The following MDGA2 variants were observed in gnomAD, a reference collection of about 807,000 sequenced individuals.
MDGA2 encodes MAM domain-containing glycosylphosphatidylinositol anchor protein 2.
MDGA2 carries 40 observed loss-of-function variants against 117.8 expected under a neutral mutation model. The observed-to-expected ratio is 0.34, with a 90% CI of 0.26 to 0.44. The LOEUF is 0.44. MDGA2 is among the 20% of genes least tolerant of loss of function. The pLI is 1.00. For missense variants in MDGA2, 1,123 were observed against 1,250.6 expected (o/e 0.90, Z 1.54); for synonymous variants, 452 against 439.0 (o/e 1.03, Z -0.37).
chr14:46,906,749 A>G (rs1033483340), intron 10 of MDGA2, among the ~76,000 whole-genome samples: 8 of 152,036 alleles, frequency 5.3e-5, no homozygotes, highest in Admixed American at 1.3e-4. Flanking sequence ...CACAGTCTAG[A>G]CTAGTATTTA....
intron 6 of MDGA2, among the ~76,000 whole-genome samples, chr14:47,074,319 A>C (rs1330943820): frequency 1.4e-5 from 2 of 140,502 alleles, no homozygotes; most frequent in Admixed American, 1.5e-4. Flanking sequence ...TTTTTTTTTG[A>C]ACGTGGAGTC....
At chr14:47,452,361 T>C (rs1448723833) in intron 1 of MDGA2, among the ~76,000 whole-genome samples, 1 of 152,116 alleles carries the variant, frequency 6.6e-6, no homozygotes, top group Non-Finnish European at 1.5e-5. Context: ...AAGGTAACAA[T>C]GAATGAAATC....
intron 1 of MDGA2, among the ~76,000 whole-genome samples, chr14:47,652,656 G>A (rs1378661132): frequency 6.6e-6 from 1 of 152,088 alleles, no homozygotes; most frequent in African/African-American, 2.4e-5. Flanking sequence ...AACAAGTACT[G>A]TAAAACATCA....
intron 1 of MDGA2, among the ~76,000 whole-genome samples, chr14:47,480,988 A>C (rs1255326103): frequency 6.6e-6 from 1 of 151,972 alleles, no homozygotes; most frequent in African/African-American, 2.4e-5. Context: ...ATGGATAAAG[A>C]AGGGGCAAAA....
At chr14:47,614,103 T>C (rs1275920293) in intron 1 of MDGA2, among the ~76,000 whole-genome samples, 1 of 146,988 alleles carries the variant, frequency 6.8e-6, no homozygotes, top group Non-Finnish European at 1.5e-5. Flanking sequence ...TTCTTTTTTT[T>C]TTTTTTTTTG....
At chr14:47,161,110 A>G (rs901431405) in intron 3 of MDGA2, among the ~76,000 whole-genome samples, 2 of 152,046 alleles carry the variant, frequency 1.3e-5, no homozygotes, top group South Asian at 2.1e-4. Flanking sequence ...ATTTTTAAAA[A>G]TTTCTAGCTG....
At chr14:47,494,671 T>G (rs1460787311) in intron 1 of MDGA2, among the ~76,000 whole-genome samples, 2 of 152,000 alleles carry the variant, frequency 1.3e-5, no homozygotes, top group Admixed American at 1.3e-4. Flanking sequence ...TACATCTAGT[T>G]TTTTAATCCA....
chr14:47,220,488 T>G (rs17118205), intron 2 of MDGA2, among the ~76,000 whole-genome samples: 2 of 152,210 alleles, frequency 1.3e-5, no homozygotes, highest in Non-Finnish European at 2.9e-5. Flanking sequence ...GAAGCAGCAC[T>G]TCATGTTTTG....
In MDGA2 at chr14:47,344,802, A is replaced by G. The variant is rs992571900; in HGVS notation, c.281-43252T>C. Among the ~76,000 whole-genome samples, 3 of 152,092 alleles carry G rather than the reference A, an allele frequency of 2.0e-5. No individual in the cohort carries two copies. In the East Asian group the frequency reaches 5.8e-4, roughly 29 times the overall value. ...AGCTGGCGAAATAGTATAATTTAAC[A>G]ATTTTATTACATTATCATAAAATTG... On this transcript the variant is annotated intron_variant, in intron 1 of 16. Coordinates refer to ENST00000399232, the MANE Select transcript of MDGA2 (RefSeq NM_001113498.3).
At chr14:47,397,138 A>G (rs1892029364) in intron 1 of MDGA2, among the ~76,000 whole-genome samples, 1 of 152,212 alleles carries the variant, frequency 6.6e-6, no homozygotes, top group Admixed American at 6.5e-5. Flanking sequence ...TCACCATGGA[A>G]TACTATGCAG....
At chr14:47,604,764 A>G (rs550784159) in intron 1 of MDGA2, among the ~76,000 whole-genome samples, 3 of 152,288 alleles carry the variant, frequency 2.0e-5, no homozygotes, top group African/African-American at 4.8e-5. Context: ...TTCAGTGGAA[A>G]TGATCTTGCA....
Position 46,873,416 on chromosome 14 carries a change from A to C in MDGA2, c.2752+17T>G, listed in dbSNP as rs1270268125. Reference sequence around the variant, plus strand: ...TATCATTAATTTTGTAAGAATCAGTAATTATTGCTATCTCACCTATATGTT... The same window carrying C: ...TATCATTAATTTTGTAAGAATCAGTCATTATTGCTATCTCACCTATATGTT... On this transcript the variant is annotated intron_variant, in intron 14 of 16. Transcript: ENST00000399232. 1 of 1,560,878 alleles carries C rather than the reference A, an allele frequency of 6.4e-7. No homozygotes were observed. The highest frequency in any genetic ancestry group is 1.4e-5 in the African/African-American group (1 of 73,014).
chr14:46,915,958 T>C (rs111774120), intron 10 of MDGA2, among the ~76,000 whole-genome samples: 1 of 152,184 alleles, frequency 6.6e-6, no homozygotes, highest in Non-Finnish European at 1.5e-5. Context: ...GGCATCCTGA[T>C]GGAGGTTGTC....
At chr14:47,486,111 A>G (rs1176034283) in intron 1 of MDGA2, among the ~76,000 whole-genome samples, 6 of 152,174 alleles carry the variant, frequency 3.9e-5, no homozygotes, top group Non-Finnish European at 7.4e-5. Flanking sequence ...CAGACACTCA[A>G]TGGCGGTCTG....
chr14:47,384,286 G>C (rs1891708537), intron 1 of MDGA2, among the ~76,000 whole-genome samples: 1 of 150,360 alleles, frequency 6.7e-6, no homozygotes, highest in African/African-American at 2.5e-5. Context: ...GCGAGTTGCT[G>C]CTGAGCCACA....
At chr14:47,419,445 CA>C (rs1382991003) in intron 1 of MDGA2, among the ~76,000 whole-genome samples, 3 of 151,990 alleles carry the variant, frequency 2.0e-5, no homozygotes, top group African/African-American at 7.2e-5. Context: ...AAATATGTGT[CA>C]AGTAATCATG....
rs116202721 is a variant in MDGA2, at chr14:47,593,869, G to A, written c.280+80648C>T. Among the ~76,000 whole-genome samples, 784 of 152,006 alleles carry A rather than the reference G, an allele frequency of 5.2e-3. 7 individuals are homozygous for A. The highest frequency in any genetic ancestry group is 0.018 in the African/African-American group (757 of 41,454). On this transcript the variant is annotated intron_variant, in intron 1 of 16. Coordinates refer to ENST00000399232, the MANE Select transcript of MDGA2 (RefSeq NM_001113498.3). The stretch of plus-strand genomic sequence containing the variant: ...CCTGCACGTCCTGCACATGTATCCC[G>A]TAATTTAAAATAAAATAAAATAACA...
chr14:47,359,694 T>C (rs374716402), intron 1 of MDGA2, among the ~76,000 whole-genome samples: 3 of 135,560 alleles, frequency 2.2e-5, no homozygotes, highest in Middle Eastern at 4.9e-3. Flanking sequence ...GAGGTTGCAG[T>C]GAGCCAAGAT....
At chr14:47,105,763 GT>G (rs1234281028) in intron 5 of MDGA2, among the ~76,000 whole-genome samples, 1 of 150,968 alleles carries the variant, frequency 6.6e-6, no homozygotes, top group African/African-American at 2.4e-5. Flanking sequence ...CCTCCCGCCT[GT>G]CCCCTCAGTA....
Sources: allele counts gnomAD v4.1 joint callset (sites outside exome capture counted in the v4.1 genomes callset), GRCh38; gene constraint gnomAD v4.1.1; transcripts MANE v1.5; gene names NCBI Gene and HGNC (gene_info 2026-07-23, HGNC 2026-07-21).